NEGR1: variants seen among roughly 807,000 people sequenced by gnomAD.
NEGR1 encodes the protein IgLON family member 4.
NEGR1 carries 10 observed loss-of-function variants against 40.9 expected under a neutral mutation model. That is an observed-to-expected ratio of 0.24 (90% confidence interval 0.15 to 0.42). NEGR1 has a LOEUF of 0.42. Ranked by LOEUF, NEGR1 falls within the 10% of genes least tolerant of loss-of-function variation. The pLI is 1.00. For missense variants in NEGR1, 352 were observed against 438.9 expected (o/e 0.80, Z 1.77); for synonymous variants, 185 against 166.8 (o/e 1.11, Z -0.84).
At position 71,813,205 on chromosome 1, in the gene NEGR1, T is replaced by G. The variant is rs147068206; in HGVS notation, c.410-36908A>C. On this transcript the variant is annotated intron_variant, in intron 2 of 6. Coordinates refer to ENST00000357731, the MANE Select transcript of NEGR1 (RefSeq NM_173808.3). ...AAATAGAGAATCCTTTCCCCATTGC[T>G]TGTTTTTGTCAGGTTTGTTGAAGAT... 2.7e-3 allele frequency among the ~76,000 whole-genome samples: 418 copies of G among 152,246 alleles called. 1 individual carries two copies. The highest frequency in any genetic ancestry group is 9.8e-3 in the African/African-American group (406 of 41,558).
intron 3 of NEGR1, among the ~76,000 whole-genome samples, chr1:71,724,977 A>G (rs1570262594): frequency 6.6e-6 from 1 of 152,218 alleles, no homozygotes; most frequent in East Asian, 1.9e-4. Flanking sequence ...CAAAGCAGTA[A>G]GGTGAAGCAG....
chr1:71,854,763 C>G (rs944280806), intron 2 of NEGR1, among the ~76,000 whole-genome samples: 27 of 152,016 alleles, frequency 1.8e-4, no homozygotes, highest in African/African-American at 6.3e-4. Flanking sequence ...CCTTATAAAA[C>G]CATTAGATCT....
At chr1:72,127,399 G>A (rs1459054020) in intron 1 of NEGR1, among the ~76,000 whole-genome samples, 1 of 139,988 alleles carries the variant, frequency 7.1e-6, no homozygotes. Context: ...GGGAGGCGGA[G>A]GTTGCAGTGA....
intron 2 of NEGR1, among the ~76,000 whole-genome samples, chr1:71,844,179 T>C (rs1659329171): frequency 6.6e-6 from 1 of 152,166 alleles, no homozygotes; most frequent in South Asian, 2.1e-4. Flanking sequence ...CTATTAGAGG[T>C]ATACCATTAA....
At chr1:71,813,173 A>T (rs1035580737) in intron 2 of NEGR1, among the ~76,000 whole-genome samples, 40 of 152,122 alleles carry the variant, frequency 2.6e-4, no homozygotes, top group African/African-American at 9.2e-4. Flanking sequence ...TCCCAGCACC[A>T]CTTATTAAAT....
intron 3 of NEGR1, among the ~76,000 whole-genome samples, chr1:71,721,253 CA>C (rs1352292784): frequency 6.6e-6 from 1 of 152,080 alleles, no homozygotes; most frequent in Admixed American, 6.6e-5. Flanking sequence ...CCTTGATTCT[CA>C]AATCATACTC....
At chr1:71,647,566 C>T (rs1038519488) in intron 4 of NEGR1, among the ~76,000 whole-genome samples, 1 of 151,870 alleles carries the variant, frequency 6.6e-6, no homozygotes, top group African/African-American at 2.4e-5. Context: ...TTCCTGTAAG[C>T]CATTTTTCTT....
At chr1:71,681,406 C>G (rs1357353211) in intron 4 of NEGR1, among the ~76,000 whole-genome samples, 3 of 152,156 alleles carry the variant, frequency 2.0e-5, no homozygotes, top group African/African-American at 4.8e-5. Context: ...TCCTAAGACA[C>G]TAAGAGTATT....
intron 2 of NEGR1, among the ~76,000 whole-genome samples, chr1:71,929,869 A>G (rs1645838553): frequency 6.6e-6 from 1 of 151,788 alleles, no homozygotes; most frequent in South Asian, 2.1e-4. Context: ...AGGCCTTAGT[A>G]TTCATTGAAA....
At position 71,398,237 on chromosome 1, in the gene NEGR1, T is replaced by G. The variant is rs577682810; in HGVS notation, c.*9209A>C. 6.6e-6 allele frequency: 1 copy of G among 152,468 alleles called. No individual in the cohort carries two copies. The highest frequency in any genetic ancestry group is 2.1e-4 in the South Asian group (1 of 4,830). The allele number at this position is 152,468 out of a possible 1,614,324, so 9.4% of individuals were successfully genotyped here. On this transcript the variant is annotated 3_prime_UTR_variant, in exon 7 of 7. Coordinates refer to ENST00000357731, the MANE Select transcript of NEGR1 (RefSeq NM_173808.3). Reference sequence around the variant, plus strand: ...AGTGGAGCTGTGAGAAGTGGGCCACTGTCCTCCAGATCCCAGAATCATAAA... The same window carrying G: ...AGTGGAGCTGTGAGAAGTGGGCCACGGTCCTCCAGATCCCAGAATCATAAA...
chr1:71,420,772 G>A (rs1646389000), intron 6 of NEGR1, among the ~76,000 whole-genome samples: 1 of 151,950 alleles, frequency 6.6e-6, no homozygotes, highest in African/African-American at 2.4e-5. Context: ...ACATGAATTT[G>A]TTTAGTATTT....
At chr1:71,456,453 G>A (rs1444494690) in intron 6 of NEGR1, among the ~76,000 whole-genome samples, 3 of 152,148 alleles carry the variant, frequency 2.0e-5, no homozygotes, top group African/African-American at 7.2e-5. Context: ...TCCTACTGCT[G>A]TGTCCCTCTT....
intron 6 of NEGR1, among the ~76,000 whole-genome samples, chr1:71,438,187 T>C (rs1646522108): frequency 6.6e-6 from 1 of 152,208 alleles, no homozygotes; most frequent in Non-Finnish European, 1.5e-5. Context: ...TAGTCAAAGA[T>C]TGCTGAAGTT....
chr1:71,767,858 C>T (rs1050492717), intron 3 of NEGR1, among the ~76,000 whole-genome samples: 2 of 152,194 alleles, frequency 1.3e-5, no homozygotes, highest in Non-Finnish European at 2.9e-5. Flanking sequence ...GCAACTCCAG[C>T]TCCAGACATG....
chr1:72,187,025 C>T (rs1217074284), intron 1 of NEGR1, among the ~76,000 whole-genome samples: 1 of 151,414 alleles, frequency 6.6e-6, no homozygotes, highest in Non-Finnish European at 1.5e-5. Context: ...TTTTCCTTTG[C>T]TTCAAAGACA....
chr1:71,772,751 A>G (rs1656372829), intron 3 of NEGR1, among the ~76,000 whole-genome samples: 1 of 152,194 alleles, frequency 6.6e-6, no homozygotes, highest in South Asian at 2.1e-4. Flanking sequence ...AACAAAGGCC[A>G]AGATGTATGC....
At chr1:72,270,355 G>A (rs1236656929) in intron 1 of NEGR1, among the ~76,000 whole-genome samples, 1 of 151,808 alleles carries the variant, frequency 6.6e-6, no homozygotes, top group Non-Finnish European at 1.5e-5. Context: ...ACATAATTCC[G>A]AGCTTTTATT....
chr1:72,092,015 G>C lies in NEGR1; in HGVS notation c.177-156704C>G, dbSNP rs186135681. 2.7e-3 allele frequency among the ~76,000 whole-genome samples: 406 copies of C among 152,176 alleles called. 1 individual carries two copies. The highest frequency in any genetic ancestry group is 4.4e-3 in the Non-Finnish European group (300 of 68,018). On this transcript the variant is annotated intron_variant, in intron 1 of 6. Coordinates refer to ENST00000357731, the MANE Select transcript of NEGR1 (RefSeq NM_173808.3). Reference sequence around the variant, plus strand: ...AATCTTATCTCCAAATACAATCACAGTGAGGGTTAGGGATTCAACATATGA... The same window carrying C: ...AATCTTATCTCCAAATACAATCACACTGAGGGTTAGGGATTCAACATATGA...
At chr1:71,543,257 C>T (rs1647775035) in intron 6 of NEGR1, among the ~76,000 whole-genome samples, 1 of 151,550 alleles carries the variant, frequency 6.6e-6, no homozygotes, top group Non-Finnish European at 1.5e-5. Context: ...GTGACAACCC[C>T]CCAAAATCTG....
Sources: gnomAD v4.1 joint callset for allele counts (sites outside exome capture counted in the v4.1 genomes callset) on GRCh38, gnomAD v4.1.1 for gene constraint, MANE v1.5 for transcripts, NCBI Gene and HGNC (gene_info 2026-07-23, HGNC 2026-07-21) for gene names.